WWC2: variants seen among roughly 807,000 people sequenced by gnomAD.
WWC2 encodes the protein WW and C2 domain containing 2, also known as protein WWC2.
In WWC2, 101 loss-of-function variants were observed where a neutral mutation model predicts 138.5. The observed-to-expected ratio is 0.73, with a 90% CI of 0.62 to 0.86. WWC2 has a LOEUF of 0.86. Among genes scored for constraint, WWC2 ranks in the 40% least tolerant of loss-of-function variants. The probability of loss-of-function intolerance (pLI) is 0.00; values close to 1 mark genes in which losing one functional copy is unlikely to be tolerated. For missense variants in WWC2, 1,420 were observed against 1,419.4 expected (o/e 1.00, Z -0.01); for synonymous variants, 558 against 538.4 (o/e 1.04, Z -0.50).
At chr4:183,299,343 G>T (rs1034831349) in intron 21 of WWC2, among the ~76,000 whole-genome samples, 5 of 152,110 alleles carry the variant, frequency 3.3e-5, no homozygotes, top group Non-Finnish European at 7.4e-5. Flanking sequence ...CAGATGCCAA[G>T]CCCGCTGCCC....
intron 1 of WWC2, among the ~76,000 whole-genome samples, chr4:183,116,595 TC>T (rs1732418038): frequency 6.6e-6 from 1 of 152,216 alleles, no homozygotes; most frequent in African/African-American, 2.4e-5. Flanking sequence ...TTTGGCCGCC[TC>T]CCTGGCTTTG....
Position 183,176,711 on chromosome 4 carries a change from C to G in WWC2, c.132-16888C>G, listed in dbSNP as rs1044173188. Among the ~76,000 whole-genome samples the G allele has an allele frequency of 2.0e-5, 3 of 152,294 alleles. No individual in the cohort carries two copies. In the East Asian group the frequency reaches 5.8e-4, roughly 29 times the overall value. ...GTGCTGGGATTACAGCCGTGAGCCACCATGCCCAGCCCTTTTATTTTTATT... is the reference window on the plus strand; with the variant it reads ...GTGCTGGGATTACAGCCGTGAGCCAGCATGCCCAGCCCTTTTATTTTTATT... On this transcript the variant is annotated intron_variant, in intron 1 of 22. Coordinates refer to ENST00000403733, the MANE Select transcript of WWC2 (RefSeq NM_024949.6).
At chr4:183,246,514 A>G (rs1348947760) in intron 6 of WWC2, among the ~76,000 whole-genome samples, 7 of 152,216 alleles carry the variant, frequency 4.6e-5, no homozygotes, top group Non-Finnish European at 1.0e-4. Context: ...AAAATAATAT[A>G]GAAAAGACAA....
intron 2 of WWC2, among the ~76,000 whole-genome samples, chr4:183,193,933 T>C (rs1735061491): frequency 6.6e-6 from 1 of 152,200 alleles, no homozygotes; most frequent in Non-Finnish European, 1.5e-5. Context: ...TGTGCCTGCC[T>C]GCCTGCCTGC....
chr4:183,310,444 A>G (rs1739172658), intron 21 of WWC2, among the ~76,000 whole-genome samples: 1 of 152,134 alleles, frequency 6.6e-6, no homozygotes, highest in Admixed American at 6.6e-5. Context: ...ATTTTTAATA[A>G]TTATTAAACA....
intron 1 of WWC2, among the ~76,000 whole-genome samples, chr4:183,168,438 T>C (rs1303024447): frequency 6.6e-6 from 1 of 152,210 alleles, no homozygotes; most frequent in Non-Finnish European, 1.5e-5. Context: ...AACATTATCA[T>C]TTTATAGAAG....
intron 4 of WWC2, among the ~76,000 whole-genome samples, chr4:183,222,372 A>G (rs955291032): frequency 2.6e-5 from 4 of 151,978 alleles, no homozygotes; most frequent in Admixed American, 6.5e-5. Context: ...CTTTTAACAT[A>G]TCTATGATAG....
At chr4:183,149,157 A>G (rs1424598632) in intron 1 of WWC2, among the ~76,000 whole-genome samples, 2 of 152,118 alleles carry the variant, frequency 1.3e-5, no homozygotes, top group East Asian at 1.9e-4. Context: ...ATACCCTCCT[A>G]ACACCAACCA....
At chr4:183,255,024 C>T (rs1337498454) in intron 9 of WWC2, among the ~76,000 whole-genome samples, 1 of 152,174 alleles carries the variant, frequency 6.6e-6, no homozygotes, top group Non-Finnish European at 1.5e-5. Context: ...AGCATGGGGA[C>T]TCACCCACCC....
In WWC2 at chr4:183,315,931, G is replaced by A. The variant is rs1739422493; in HGVS notation, c.*202G>A. 1 of 483,938 alleles carries A rather than the reference G, an allele frequency of 2.1e-6. No homozygotes were observed. The highest frequency in any genetic ancestry group is 3.7e-6 in the Non-Finnish European group (1 of 269,978). 30.0% of individuals were successfully genotyped at this position (483,938 alleles called of 1,614,324 possible). ...GTGTAATTTTTATATGCTTAAAAAA[G>A]AAAAAATCATATAAGAAAGATGGGA... On this transcript the variant is annotated 3_prime_UTR_variant, in exon 23 of 23. Transcript: ENST00000403733.
intron 4 of WWC2, among the ~76,000 whole-genome samples, chr4:183,226,591 A>G (rs1249938799): frequency 6.6e-6 from 1 of 152,054 alleles, no homozygotes; most frequent in African/African-American, 2.4e-5. Context: ...AAATAGAGAT[A>G]AAGACAATAA....
At chr4:183,296,694 G>A (rs1738639143) in intron 21 of WWC2, among the ~76,000 whole-genome samples, 1 of 151,890 alleles carries the variant, frequency 6.6e-6, no homozygotes, top group Non-Finnish European at 1.5e-5. Context: ...AGCACTTTGC[G>A]AGGCCAAGGC....
chr4:183,286,342 T>TG (rs1237559583), intron 20 of WWC2, among the ~76,000 whole-genome samples: 2 of 152,156 alleles, frequency 1.3e-5, no homozygotes, highest in African/African-American at 4.8e-5. Context: ...TGCAGGGGTA[T>TG]CAGACGATGG....
At chr4:183,306,672 G>A (rs550897947) in intron 21 of WWC2, among the ~76,000 whole-genome samples, 11 of 125,862 alleles carry the variant, frequency 8.7e-5, no homozygotes, top group African/African-American at 2.1e-4. Flanking sequence ...GATTATAGGC[G>A]CACGCCACCA....
intron 4 of WWC2, among the ~76,000 whole-genome samples, chr4:183,218,351 A>G (rs1462199937): frequency 6.6e-6 from 1 of 152,114 alleles, no homozygotes; most frequent in Non-Finnish European, 1.5e-5. Flanking sequence ...TTACTTAAAA[A>G]AAAAAAACAA....
intron 21 of WWC2, among the ~76,000 whole-genome samples, chr4:183,300,487 T>C (rs1354084089): frequency 6.6e-6 from 1 of 151,038 alleles, no homozygotes; most frequent in African/African-American, 2.4e-5. Flanking sequence ...TTTAAAATTA[T>C]GCCAAAGATA....
chr4:183,118,087 T>A (rs114353677), intron 1 of WWC2, among the ~76,000 whole-genome samples: 1 of 152,212 alleles, frequency 6.6e-6, no homozygotes, highest in East Asian at 1.9e-4. Flanking sequence ...AGTGAGCCAC[T>A]GCGCCTGGCC....
At position 183,201,030 on chromosome 4, in the gene WWC2, C is replaced by T. The variant is rs1484776169; in HGVS notation, c.242-6923C>T. Among the ~76,000 whole-genome samples, 3 of 152,170 alleles carry T rather than the reference C, an allele frequency of 2.0e-5. 1 individual carries two copies. Among genetic ancestry groups the T allele is most frequent in the Non-Finnish European group, 4.4e-5 (3 of 68,034 alleles). ...GAATTCTGTACTTTGAGGCAGGTTG[C>T]ACTCACATATATAAATATTGGAAAT... On this transcript the variant is annotated intron_variant, in intron 2 of 22. Transcript: ENST00000403733.
chr4:183,103,673 G>A (rs1019502226), intron 1 of WWC2, among the ~76,000 whole-genome samples: 1 of 137,858 alleles, frequency 7.3e-6, no homozygotes, highest in South Asian at 2.3e-4. Flanking sequence ...GAGTCTTGCT[G>A]TGTCGCCAGA....
Sources: allele counts gnomAD v4.1 joint callset (sites outside exome capture counted in the v4.1 genomes callset), GRCh38; gene constraint gnomAD v4.1.1; transcripts MANE v1.5; gene names NCBI Gene and HGNC (gene_info 2026-07-23, HGNC 2026-07-21).